FAM153A: variants seen among roughly 807,000 people sequenced by gnomAD.
The protein encoded by FAM153A is protein FAM153A.
In FAM153A, 12 loss-of-function variants were observed where a neutral mutation model predicts 48.1. The ratio of observed to expected loss-of-function variants is 0.25; its 90% CI spans 0.16 to 0.40. The LOEUF is 0.40. FAM153A is among the 10% of genes least tolerant of loss of function. The pLI is 1.00. For missense variants in FAM153A, 111 were observed against 345.8 expected, an observed-to-expected ratio of 0.32 and a Z score of 5.38; for synonymous variants, 36 against 118.2, an observed-to-expected ratio of 0.30 and a Z score of 4.51.
chr5:177,746,759 G>A (rs1186462267), intron 4 of FAM153A, among the ~76,000 whole-genome samples: 1 of 151,738 alleles, frequency 6.6e-6, no homozygotes, highest in African/African-American at 2.4e-5. Flanking sequence ...CTGACCCTCT[G>A]TTACCCAGCT....
downstream of FAM153A, among the ~76,000 whole-genome samples, chr5:177,718,898 T>TC (rs1039613014): frequency 5.4e-5 from 8 of 149,464 alleles, no homozygotes; most frequent in Admixed American, 2.7e-4. Flanking sequence ...ATTTTTTTTT[T>TC]TGAGATAGAG....
downstream of FAM153A, among the ~76,000 whole-genome samples, chr5:177,707,452 CGA>C (rs1042644369): frequency 1.1e-4 from 17 of 151,120 alleles, no homozygotes; most frequent in South Asian, 4.2e-4. Context: ...AAAAAGGAAA[CGA>C]GAGAAAAAAT....
At chr5:177,749,083 C>T (rs1171671746) in intron 2 of FAM153A, among the ~76,000 whole-genome samples, 1 of 144,158 alleles carries the variant, frequency 6.9e-6, no homozygotes, top group Admixed American at 7.0e-5. Flanking sequence ...ACATATGCTC[C>T]TCCTGTACTT....
At chr5:177,741,524 A>G (rs1765423197) in intron 6 of FAM153A, among the ~76,000 whole-genome samples, 192 bp from the exon 9 acceptor site, 1 of 104,914 alleles carries the variant, frequency 9.5e-6, no homozygotes, top group African/African-American at 3.3e-5. Flanking sequence ...CACGGAAGAC[A>G]GAGCCTTGGC....
intron 25 of FAM153A, among the ~76,000 whole-genome samples, chr5:177,715,393 A>G (rs548128544): frequency 6.6e-6 from 1 of 151,258 alleles, no homozygotes; most frequent in African/African-American, 2.4e-5. Context: ...TAAGAAAGCT[A>G]CTGATCTCAC....
At chr5:177,761,508 G>A (rs1180345647) in intron 1 of FAM153A, among the ~76,000 whole-genome samples, 1 of 151,606 alleles carries the variant, frequency 6.6e-6, no homozygotes, top group Non-Finnish European at 1.5e-5. Context: ...TGATGCCTCT[G>A]GCCTGGGCAA....
At position 177,730,610 on chromosome 5, in the gene FAM153A, A is replaced by T. The variant is rs1197861711; in HGVS notation, c.862+959T>A. Among the ~76,000 whole-genome samples, 2 of 123,460 alleles carry T rather than the reference A, an allele frequency of 1.6e-5. 1 individual carries two copies. Among genetic ancestry groups the T allele is most frequent in the African/African-American group, 5.4e-5 (2 of 36,784 alleles). The allele number at this position is 123,460 out of a possible 152,430, so 81.0% of individuals were successfully genotyped here. A position where few individuals can be genotyped will look rare whatever the true frequency, so the allele number is the denominator to read the frequency against. ...AATAACGATAGTCTGTGGGATCTGA[A>T]TAGGTTTTCATTCTCCCACATGCAC... On this transcript the variant is annotated intron_variant, in intron 16 of 20. Transcript: ENST00000614127.
At chr5:177,725,886 C>T (rs1762365884) in intron 18 of FAM153A, among the ~76,000 whole-genome samples, 1 of 151,940 alleles carries the variant, frequency 6.6e-6, no homozygotes. Flanking sequence ...TAGACTTGGG[C>T]CTCTCCAGTG....
At chr5:177,703,125 G>T (rs1438874197), downstream of FAM153A, among the ~76,000 whole-genome samples, 1 of 152,194 alleles carries the variant, frequency 6.6e-6, no homozygotes, top group African/African-American at 2.4e-5. Flanking sequence ...TGGAAAAGCT[G>T]CAGGTACTCA....
chr5:177,770,999 T>A (rs1429740117), intron 1 of FAM153A, among the ~76,000 whole-genome samples: 2 of 98,048 alleles, frequency 2.0e-5, no homozygotes, highest in Non-Finnish European at 4.2e-5. Flanking sequence ...AGATATTCAC[T>A]GAATCTGTTA....
the FAM153A span, among the ~76,000 whole-genome samples, chr5:177,702,916 A>G: frequency 6.6e-6 from 1 of 152,046 alleles, no homozygotes; most frequent in Non-Finnish European, 1.5e-5. Flanking sequence ...TCACTGCCCT[A>G]GTAGAGGTCC....
At chr5:177,763,949 C>T (rs201720066) in intron 1 of FAM153A, among the ~76,000 whole-genome samples, 2 of 151,280 alleles carry the variant, frequency 1.3e-5, no homozygotes, top group East Asian at 3.9e-4. Flanking sequence ...CCAGAGTAAA[C>T]AGCTGTGAAG....
the FAM153A span, among the ~76,000 whole-genome samples, chr5:177,695,773 C>T: frequency 1.3e-5 from 2 of 151,916 alleles, no homozygotes; most frequent in South Asian, 2.1e-4. Context: ...GCTGTCTCTT[C>T]GGGGCTGTTG....
At chr5:177,703,602 C>T (rs1197793781), downstream of FAM153A, among the ~76,000 whole-genome samples, 14 of 142,146 alleles carry the variant, frequency 9.8e-5, no homozygotes, top group South Asian at 7.0e-4. Context: ...TGTTTGAGGT[C>T]GGGCATGGTG....
intron 1 of FAM153A, among the ~76,000 whole-genome samples, chr5:177,768,318 C>A (rs1370846338): frequency 6.6e-6 from 1 of 151,812 alleles, no homozygotes; most frequent in Non-Finnish European, 1.5e-5. Context: ...CACTTTGGGT[C>A]TTGATGAAAG....
At chr5:177,725,728 A>G (rs1351013673) in intron 18 of FAM153A, among the ~76,000 whole-genome samples, 1 of 151,732 alleles carries the variant, frequency 6.6e-6, no homozygotes, top group Non-Finnish European at 1.5e-5. Context: ...CTACTGTGCC[A>G]GCTGCCCAGA....
chr5:177,732,925 TACTC>T (rs1764085369), intron 14 of FAM153A, among the ~76,000 whole-genome samples: 1 of 147,980 alleles, frequency 6.8e-6, no homozygotes, highest in Non-Finnish European at 1.5e-5. Context: ...GATTTGAAAA[TACTC>T]AATTATCCTA....
intron 1 of FAM153A, among the ~76,000 whole-genome samples, chr5:177,768,420 A>C (rs1768880909): frequency 6.6e-6 from 1 of 150,602 alleles, no homozygotes. Context: ...CCTGAATGAG[A>C]CAGAAGATCT....
chr5:177,698,727 C>T, the FAM153A span, among the ~76,000 whole-genome samples: 2 of 151,864 alleles, frequency 1.3e-5, no homozygotes, highest in Non-Finnish European at 2.9e-5. Flanking sequence ...GGTGCGATCA[C>T]GGCTTATTGC....
Sources: allele counts gnomAD v4.1 joint callset (sites outside exome capture counted in the v4.1 genomes callset), GRCh38; gene constraint gnomAD v4.1.1; transcripts MANE v1.5; gene names NCBI Gene and HGNC (gene_info 2026-07-23, HGNC 2026-07-21).